GFRA2: variants seen among roughly 807,000 people sequenced by gnomAD.
GFRA2 encodes GDNF family receptor alpha-2.
A neutral mutation model predicts 48.3 loss-of-function variants in GFRA2; 17 were observed. That is an observed-to-expected ratio of 0.35 (90% CI 0.24 to 0.53). The LOEUF (loss-of-function observed/expected upper bound fraction) is 0.53. Ranked by LOEUF, GFRA2 falls within the 20% of genes least tolerant of loss-of-function variation. The pLI, the probability that GFRA2 is intolerant of heterozygous loss-of-function variation, is 0.93. For synonymous variants in GFRA2, 305 were observed against 257.2 expected, an observed-to-expected ratio of 1.19 and a Z score of -1.78; for missense variants, 660 against 637.3, an observed-to-expected ratio of 1.04 and a Z score of -0.38.
chr8:21,770,925 C>G (rs1337408402), intron 3 of GFRA2, among the ~76,000 whole-genome samples: 2 of 152,194 alleles, frequency 1.3e-5, no homozygotes, highest in African/African-American at 4.8e-5. Context: ...CAGGTGAAAC[C>G]AGCTGGGATT....
chr8:21,780,218 G>C (rs1394165861), intron 2 of GFRA2, among the ~76,000 whole-genome samples: 3 of 152,042 alleles, frequency 2.0e-5, no homozygotes, highest in Admixed American at 2.0e-4. Flanking sequence ...CCCGGGGAAA[G>C]GTCTCCTGCC....
chr8:21,810,640 T>G (rs1807960120), intron 1 of GFRA2, among the ~76,000 whole-genome samples: 1 of 152,064 alleles, frequency 6.6e-6, no homozygotes, highest in African/African-American at 2.4e-5. Flanking sequence ...GGATATGCCA[T>G]CATGGGAAGG....
intron 3 of GFRA2, among the ~76,000 whole-genome samples, chr8:21,765,072 A>T (rs948486703): frequency 6.6e-6 from 1 of 151,992 alleles, no homozygotes; most frequent in African/African-American, 2.4e-5. Flanking sequence ...GACCAGGCTA[A>T]CCACTTCCTC....
At chr8:21,774,951 T>A in intron 3 of GFRA2, 21 bp downstream of exon 3, 1 of 1,406,684 alleles carries the variant, frequency 7.1e-7, no homozygotes, top group Non-Finnish European at 1.0e-6. Flanking sequence ...ACGGGCCAAG[T>A]CCCAGTGCGA....
intron 2 of GFRA2, among the ~76,000 whole-genome samples, chr8:21,781,161 C>T (rs143665497): frequency 6.6e-6 from 1 of 152,264 alleles, no homozygotes; most frequent in Non-Finnish European, 1.5e-5. Context: ...GTCCTGGTTC[C>T]GCCACAACTG....
chr8:21,778,742 C>T (rs1442988274), intron 2 of GFRA2, among the ~76,000 whole-genome samples: 2 of 152,026 alleles, frequency 1.3e-5, no homozygotes, highest in African/African-American at 4.8e-5. Context: ...AATAAATTAG[C>T]CAAGCGTAGT....
chr8:21,807,507 T>A (rs1011675194), intron 1 of GFRA2, among the ~76,000 whole-genome samples: 2 of 152,208 alleles, frequency 1.3e-5, no homozygotes, highest in African/African-American at 4.8e-5. Context: ...CAAAGTACTG[T>A]AAACTGGGTA....
chr8:21,810,749 G>C (rs1053892954), intron 1 of GFRA2, among the ~76,000 whole-genome samples: 3 of 152,206 alleles, frequency 2.0e-5, no homozygotes, highest in African/African-American at 7.2e-5. Flanking sequence ...AGTTGGTGCA[G>C]GCTTCTGGGA....
intron 2 of GFRA2, among the ~76,000 whole-genome samples, chr8:21,803,069 G>A (rs1161495230): frequency 6.6e-6 from 1 of 152,232 alleles, no homozygotes; most frequent in Admixed American, 6.5e-5. Flanking sequence ...CAAAGTCTCA[G>A]AGGGTTAACA....
At chr8:21,737,953 C>G (rs1804552886) in intron 4 of GFRA2, among the ~76,000 whole-genome samples, 1 of 152,172 alleles carries the variant, frequency 6.6e-6, no homozygotes, top group South Asian at 2.1e-4. Context: ...GCCGGATGCT[C>G]GCTGCTTTTC....
At chr8:21,705,731 C>G (rs1802706697) in intron 5 of GFRA2, among the ~76,000 whole-genome samples, 1 of 152,216 alleles carries the variant, frequency 6.6e-6, no homozygotes, top group Non-Finnish European at 1.5e-5. Context: ...CTCCTTCCCC[C>G]ATGATAAAGA....
At position 21,728,020 on chromosome 8, in the gene GFRA2, C is replaced by T. The variant is rs954593123; in HGVS notation, c.795-21979G>A. 7.2e-5 allele frequency among the ~76,000 whole-genome samples: 11 copies of T among 152,264 alleles called. No individual in the cohort carries two copies. The East Asian group carries it at 1.9e-3, about 27-fold the overall frequency. ...GGCAGGGGCGACGTCAGAAAATAAACTCCTCATCACATACATTAGGCACAT... is the reference window on the plus strand; with the variant it reads ...GGCAGGGGCGACGTCAGAAAATAAATTCCTCATCACATACATTAGGCACAT... On this transcript the variant is annotated intron_variant, in intron 4 of 8. Transcript: ENST00000524240.
At chr8:21,714,246 C>CTCTTTTTTT in intron 4 of GFRA2, among the ~76,000 whole-genome samples, 1 of 78,400 alleles carries the variant, frequency 1.3e-5, no homozygotes, top group Non-Finnish European at 2.2e-5. Context: ...GTCTGAAGTT[C>CTCTTTTTTT]TTTTTTTTTT....
chr8:21,695,238 G>A (rs539567008), intron 7 of GFRA2, among the ~76,000 whole-genome samples: 2 of 152,284 alleles, frequency 1.3e-5, no homozygotes, highest in Admixed American at 1.3e-4. Flanking sequence ...GGGCCAGAGG[G>A]CGCACATGAT....
intron 3 of GFRA2, among the ~76,000 whole-genome samples, chr8:21,765,265 C>G (rs1235289057): frequency 6.6e-6 from 1 of 152,052 alleles, no homozygotes; most frequent in African/African-American, 2.4e-5. Context: ...GCATGTGCCA[C>G]CATGCCTGCC....
chr8:21,782,926 A>G (rs1807083473), intron 1 of GFRA2, 27 bp from the exon 2 acceptor site: 10 of 1,530,458 alleles, frequency 6.5e-6, no homozygotes, highest in Non-Finnish European at 8.8e-6. Context: ...GAAGACAAGC[A>G]TGAATGACGG....
At chr8:21,761,504 T>A (rs1029184061) in intron 3 of GFRA2, among the ~76,000 whole-genome samples, 3 of 152,196 alleles carry the variant, frequency 2.0e-5, no homozygotes, top group African/African-American at 7.2e-5. Flanking sequence ...TGTAACCTCT[T>A]TGAGCCTCAC....
At chr8:21,806,791 T>G (rs1807877016) in intron 1 of GFRA2, among the ~76,000 whole-genome samples, 2 of 152,188 alleles carry the variant, frequency 1.3e-5, no homozygotes, top group South Asian at 4.1e-4. Flanking sequence ...ATTTATTATA[T>G]TTTCAATTTA....
At chr8:21,709,510 G>A (rs187233956) in intron 4 of GFRA2, among the ~76,000 whole-genome samples, 18 of 152,338 alleles carry the variant, frequency 1.2e-4, no homozygotes, top group Admixed American at 3.3e-4. Flanking sequence ...GCCCTGCCGC[G>A]TGGCTAACAG....
Sources: allele counts gnomAD v4.1 joint callset (sites outside exome capture counted in the v4.1 genomes callset), GRCh38; gene constraint gnomAD v4.1.1; transcripts MANE v1.5; gene names NCBI Gene and HGNC (gene_info 2026-07-23, HGNC 2026-07-21).